The following C9orf85 variants were observed in gnomAD, a reference collection of about 807,000 sequenced individuals.
C9orf85 encodes the protein uncharacterized protein C9orf85.
Under a neutral mutation model 14.9 loss-of-function variants are expected in C9orf85, and 16 were observed. The ratio of observed to expected loss-of-function variants is 1.08; its 90% CI spans 0.73 to 1.63. The LOEUF is 1.63. C9orf85 is among the 40% of genes most tolerant of loss of function. C9orf85 has a pLI of 0.00. For missense variants in C9orf85, 172 were observed against 186.1 expected (o/e 0.92, Z 0.44); for synonymous variants, 45 against 56.8 (o/e 0.79, Z 0.93).
chr9:71,931,774 A>G (rs566896106), intron 1 of C9orf85, among the ~76,000 whole-genome samples: 1 of 152,340 alleles, frequency 6.6e-6, no homozygotes, highest in South Asian at 2.1e-4. Context: ...GCGATTTATT[A>G]TTTCTCACCT....
At chr9:71,921,981 G>C (rs987459648) in intron 1 of C9orf85, among the ~76,000 whole-genome samples, 18 of 151,438 alleles carry the variant, frequency 1.2e-4, no homozygotes, top group East Asian at 3.9e-4. Flanking sequence ...TTGCTCTGTC[G>C]CCAGGCTAGA....
intron 1 of C9orf85, among the ~76,000 whole-genome samples, chr9:71,914,398 T>A (rs1177262816): frequency 1.3e-5 from 2 of 152,134 alleles, no homozygotes; most frequent in Non-Finnish European, 2.9e-5. Context: ...AAGACAATTC[T>A]TCCAGTATGG....
chr9:71,979,221 T>C (rs1001569310), intron 3 of C9orf85, among the ~76,000 whole-genome samples: 3 of 152,206 alleles, frequency 2.0e-5, no homozygotes, highest in African/African-American at 7.2e-5. Flanking sequence ...CAGAATGATC[T>C]GAATCTCACC....
downstream of C9orf85, chr9:71,973,537 T>A (rs2132367558): frequency 6.6e-6 from 1 of 152,372 alleles, no homozygotes; most frequent in South Asian, 2.1e-4. Context: ...GTATAGCAAT[T>A]CTGCTTTGTA....
intron 2 of C9orf85, among the ~76,000 whole-genome samples, chr9:71,956,190 A>G (rs1204618035): frequency 6.6e-6 from 1 of 151,756 alleles, no homozygotes; most frequent in Non-Finnish European, 1.5e-5. Context: ...AACTGTTTAC[A>G]TGCTAATAAG....
downstream of C9orf85, among the ~76,000 whole-genome samples, chr9:71,977,985 G>A (rs564731994): frequency 6.6e-6 from 1 of 152,296 alleles, no homozygotes; most frequent in East Asian, 1.9e-4. Flanking sequence ...AGTGGTACAA[G>A]TGGTACAGTA....
intron 2 of C9orf85, among the ~76,000 whole-genome samples, chr9:71,961,499 T>C (rs1038149292): frequency 1.3e-5 from 2 of 152,048 alleles, no homozygotes; most frequent in African/African-American, 4.8e-5. Context: ...AGGCTGAGGT[T>C]GTGGTGAGCT....
chr9:71,970,957 G>C lies in C9orf85; in HGVS notation c.210-548G>C, dbSNP rs372526846. On this transcript the variant is annotated intron_variant, in intron 2 of 3. Coordinates refer to ENST00000334731, the MANE Select transcript of C9orf85 (RefSeq NM_182505.5). ...TTTAGTAGAGATGGGGTTTCACCAT[G>C]TTGGCCAGACTGGTCTCAAACTCCT... 1.1e-4 allele frequency among the ~76,000 whole-genome samples: 16 copies of C among 151,898 alleles called. 1 individual carries two copies. Among genetic ancestry groups the C allele is most frequent in the Admixed American group, 5.2e-4 (8 of 15,244 alleles).
intron 1 of C9orf85, among the ~76,000 whole-genome samples, chr9:71,920,775 T>C (rs1827780638): frequency 6.6e-6 from 1 of 152,194 alleles, no homozygotes; most frequent in African/African-American, 2.4e-5. Flanking sequence ...ATAGCTGACA[T>C]GCCTAAGATT....
At chr9:71,964,687 C>T (rs1822639836) in intron 2 of C9orf85, among the ~76,000 whole-genome samples, 1 of 152,164 alleles carries the variant, frequency 6.6e-6, no homozygotes, top group South Asian at 2.1e-4. Flanking sequence ...GGGTCCATGG[C>T]TTCATTCTTG....
chr9:71,926,988 G>T (rs759522442), intron 1 of C9orf85, among the ~76,000 whole-genome samples: 7 of 151,952 alleles, frequency 4.6e-5, no homozygotes, highest in Non-Finnish European at 8.8e-5. Flanking sequence ...GTGCTTTCTA[G>T]GATTATTGTG....
At chr9:71,950,471 G>A (rs973522822) in intron 2 of C9orf85, among the ~76,000 whole-genome samples, 5 of 152,166 alleles carry the variant, frequency 3.3e-5, no homozygotes, top group South Asian at 2.1e-4. Context: ...GGGTTCAAGC[G>A]ATTCTTCTGC....
At chr9:71,932,303 T>A (rs10869070) in intron 1 of C9orf85, among the ~76,000 whole-genome samples, 5 of 152,108 alleles carry the variant, frequency 3.3e-5, no homozygotes, top group African/African-American at 1.2e-4. Flanking sequence ...TCTATCTGAA[T>A]TCTTTCTTGG....
At position 71,940,885 on chromosome 9, in the gene C9orf85, A is replaced by T. The variant is rs555026257; in HGVS notation, c.103-6121A>T. Among the ~76,000 whole-genome samples, 4 of 152,346 alleles carry T rather than the reference A, an allele frequency of 2.6e-5. No individual in the cohort carries two copies. In the East Asian group the frequency reaches 7.7e-4, roughly 29 times the overall value. On this transcript the variant is annotated intron_variant, in intron 1 of 3. Coordinates refer to ENST00000334731, the MANE Select transcript of C9orf85 (RefSeq NM_182505.5). ...GAATACTATTCACCAATAAAAAGGA[A>T]TGAGCTCCTCAAATGGCTATATACT... is the stretch of plus-strand genomic sequence containing the variant.
At chr9:71,978,478 A>T (rs1243739538) in intron 3 of C9orf85, among the ~76,000 whole-genome samples, 5 of 152,134 alleles carry the variant, frequency 3.3e-5, no homozygotes, top group Admixed American at 6.5e-5. Flanking sequence ...AACATTTTTT[A>T]AAATATAGTT....
intron 2 of C9orf85, among the ~76,000 whole-genome samples, chr9:71,960,258 T>G (rs35278293): frequency 6.6e-6 from 1 of 152,174 alleles, no homozygotes; most frequent in African/African-American, 2.4e-5. Flanking sequence ...TTGACTTTCA[T>G]AGACAATACA....
intron 2 of C9orf85, among the ~76,000 whole-genome samples, chr9:71,957,413 T>C (rs951290339): frequency 6.6e-6 from 1 of 152,180 alleles, no homozygotes; most frequent in Non-Finnish European, 1.5e-5. Flanking sequence ...AAATAAGTAA[T>C]TATTAAATAT....
intron 2 of C9orf85, among the ~76,000 whole-genome samples, chr9:71,969,384 C>T (rs946945152): frequency 6.6e-6 from 1 of 152,114 alleles, no homozygotes; most frequent in African/African-American, 2.4e-5. Flanking sequence ...TCAAGTGATC[C>T]ACCTGCCTCA....
At chr9:71,958,420 G>A (rs1028642646) in intron 2 of C9orf85, among the ~76,000 whole-genome samples, 1 of 151,244 alleles carries the variant, frequency 6.6e-6, no homozygotes, top group Non-Finnish European at 1.5e-5. Flanking sequence ...GCGCCACCAC[G>A]ACCAGCTAAT....
Sources: allele counts gnomAD v4.1 joint callset (sites outside exome capture counted in the v4.1 genomes callset), GRCh38; gene constraint gnomAD v4.1.1; transcripts MANE v1.5; gene names NCBI Gene and HGNC (gene_info 2026-07-23, HGNC 2026-07-21).